Variants in GRSF1 observed in about 807,000 individuals in gnomAD.
GRSF1 encodes G-rich RNA sequence binding factor 1.
Under a neutral mutation model 51.1 loss-of-function variants are expected in GRSF1, and 50 were observed. The observed-to-expected ratio is 0.98, with a 90% CI of 0.78 to 1.24. The LOEUF is 1.24. Among genes scored for constraint, GRSF1 ranks in the 50% most tolerant of loss-of-function variants. The probability of loss-of-function intolerance (pLI) is 0.00; values close to 1 mark genes in which losing one functional copy is unlikely to be tolerated. For missense variants in GRSF1, 700 were observed against 639.7 expected (o/e 1.09, Z -1.02); for synonymous variants, 293 against 253.3 (o/e 1.16, Z -1.49).
chr4:70,824,344 AG>A lies in GRSF1; in HGVS notation c.1417del (p.Leu473Ter). The A allele has an allele frequency of 3.4e-6, 5 of 1,492,128 alleles. No homozygotes were observed. The highest frequency in any genetic ancestry group is 4.6e-6 in the Non-Finnish European group (5 of 1,079,504). 92.4% of individuals were successfully genotyped at this position (1,492,128 alleles called of 1,614,324 possible). A position where few individuals can be genotyped will look rare whatever the true frequency, so the allele number is the denominator to read the frequency against. On this transcript the variant is annotated frameshift_variant, in exon 9 of 10. Coordinates refer to ENST00000254799, the MANE Select transcript of GRSF1 (RefSeq NM_002092.4). LOFTEE classifies it high-confidence loss of function. ...HVHHRYIELF[L>X]NSCPKGK is the part of the protein sequence containing the mutation. ...TTATTTTCCTTTTGGACATGAATTC[AG>A]GAACAGTTCAATATACCTATGATCT...
In GRSF1 at chr4:70,825,279, C is replaced by T; in HGVS notation, c.1393+17G>A. ...CAAGCATCAAAAATGACAACAAAAGCCAAAGGCAGGACTTACGAACGTGGG... is the reference window on the plus strand; with the variant it reads ...CAAGCATCAAAAATGACAACAAAAGTCAAAGGCAGGACTTACGAACGTGGG... On this transcript the variant is annotated intron_variant, in intron 8 of 9. Transcript: ENST00000254799. The T allele has an allele frequency of 6.3e-7, 1 of 1,575,678 alleles. No individual in the cohort carries two copies. Among genetic ancestry groups the T allele is most frequent in the Non-Finnish European group, 8.7e-7 (1 of 1,155,208 alleles).
In GRSF1 at chr4:70,818,757, T is replaced by C. The variant is rs1379233363; in HGVS notation, c.*2130A>G. The C allele has an allele frequency of 6.6e-6, 1 of 152,144 alleles. No individual in the cohort carries two copies. The allele number at this position is 152,144 out of a possible 1,614,324, so 9.4% of individuals were successfully genotyped here. ...TGACCATATGCCCCACTCCCACTAT[T>C]CTTCCTGATGGCTTTACCACAAAGG... On this transcript the variant is annotated 3_prime_UTR_variant, in exon 10 of 10. Transcript: ENST00000254799.
Position 70,818,466 on chromosome 4 carries a change from C to G in GRSF1, c.*2421G>C, listed in dbSNP as rs942701368. 6.6e-6 allele frequency: 1 copy of G among 152,156 alleles called. No homozygotes were observed. The highest frequency in any genetic ancestry group is 1.5e-5 in the Non-Finnish European group (1 of 68,040). The allele number at this position is 152,156 out of a possible 1,614,324, so 9.4% of individuals were successfully genotyped here. Reference sequence around the variant, plus strand: ...CTTATGCTTCCCCCTTCAAGTAACACAGAAGTAGTGAGAATTTGGAGCCTT... The same window carrying G: ...CTTATGCTTCCCCCTTCAAGTAACAGAGAAGTAGTGAGAATTTGGAGCCTT... On this transcript the variant is annotated 3_prime_UTR_variant, in exon 10 of 10. Transcript: ENST00000254799.
chr4:70,836,435 AGTAAACTTCACCAAT>A, intron 1 of GRSF1, 121 bp from the exon 2 acceptor site: 1 of 725,768 alleles, frequency 1.4e-6, no homozygotes, highest in Non-Finnish European at 2.1e-6. Context: ...AGAAGCAAAA[AGTAAACTTCACCAAT>A]GTAACCCATC....
rs577099953 is a variant in GRSF1, at chr4:70,834,924, C to T, written c.514+1234G>A. Among the ~76,000 whole-genome samples, 77 of 152,064 alleles carry T rather than the reference C, an allele frequency of 5.1e-4. 2 individuals carry two copies. The South Asian group carries it at 0.016, about 31-fold the overall frequency. Reference sequence around the variant, plus strand: ...AGGCGTGAGCCACCGCACTTGGACCCGATAGGTATTTTTTAATCTTCTCCC... The same window carrying T: ...AGGCGTGAGCCACCGCACTTGGACCTGATAGGTATTTTTTAATCTTCTCCC... On this transcript the variant is annotated intron_variant, in intron 2 of 9. Transcript: ENST00000254799.
chr4:70,826,371 G>T, intron 6 of GRSF1, 126 bp from the exon 7 acceptor site: 1 of 750,600 alleles, frequency 1.3e-6, no homozygotes. Context: ...AAGCCAAAAT[G>T]ATCTGAAATT....
At position 70,833,144 on chromosome 4, in the gene GRSF1, A is replaced by G. The variant is rs1734055284; in HGVS notation, c.644T>C (p.Met215Thr). The G allele has an allele frequency of 6.2e-7, 1 of 1,613,970 alleles. No homozygotes were observed. The highest frequency in any genetic ancestry group is 8.5e-7 in the Non-Finnish European group (1 of 1,179,858). The change falls in exon 3 of 10, where the codon ATG becomes ACG. Residue 215 changes from methionine (M) to threonine (T), a missense_variant. By Grantham distance (81) the Met-to-Thr change is moderately conservative. Coordinates refer to ENST00000254799, the MANE Select transcript of GRSF1 (RefSeq NM_002092.4). ...DVQKALEKHR[M>T]YMGQRYVEVY... is the part of the protein sequence containing the mutation. ...TTCCACATACCGCTGGCCCATGTAC[A>G]TGCGGTGCTTCTCTAAGGCTTTCTG...
chr4:70,821,468 T>C (rs568695912), intron 9 of GRSF1, among the ~76,000 whole-genome samples: 3 of 151,766 alleles, frequency 2.0e-5, no homozygotes, highest in Non-Finnish European at 4.4e-5. Flanking sequence ...TAGCCGGGCA[T>C]GGTGGCATAC....
intron 2 of GRSF1, 149 bp from the exon 3 acceptor site, chr4:70,833,422 C>A: frequency 1.5e-6 from 1 of 676,292 alleles, no homozygotes; most frequent in Non-Finnish European, 2.5e-6. Flanking sequence ...GTCATCCAAA[C>A]ACCAATAAGG....
rs35303311 is a variant in GRSF1 at position 70,838,219 on chromosome 4, C to CAAAAAAAAAA, written c.357+1242_357+1251dup. On this transcript the variant is annotated intron_variant, in intron 1 of 9. Coordinates refer to ENST00000254799, the MANE Select transcript of GRSF1 (RefSeq NM_002092.4). Reference sequence around the variant, plus strand: ...GGGCGACAGAGCGAGACTCGGTCTCCAAAAAAAAAAAAAAAAAAAGGCTTA... The same window carrying CAAAAAAAAAA: ...GGGCGACAGAGCGAGACTCGGTCTCCAAAAAAAAAAAAAAAAAAAAAAAAAAAAAGGCTTA... Among the ~76,000 whole-genome samples, 458 of 94,572 alleles carry CAAAAAAAAAA rather than the reference C, an allele frequency of 4.8e-3. 12 individuals are homozygous for CAAAAAAAAAA. The highest frequency in any genetic ancestry group is 0.018 in the African/African-American group (438 of 24,494). 62.0% of individuals were successfully genotyped at this position (94,572 alleles called of 152,430 possible).
chr4:70,830,251 A>T lies in GRSF1; in HGVS notation c.950+1288T>A, dbSNP rs528656942. ...AGGCCAGCCAGGGCAACACAGCAAG[A>T]CCCCACCTACAAACACACACGCACG... On this transcript the variant is annotated intron_variant, in intron 5 of 9. Coordinates refer to ENST00000254799, the MANE Select transcript of GRSF1 (RefSeq NM_002092.4). 4.6e-5 allele frequency among the ~76,000 whole-genome samples: 7 copies of T among 152,018 alleles called. No homozygotes were observed. The East Asian group carries it at 1.2e-3, about 25-fold the overall frequency.
rs575076603 is a variant in GRSF1 at position 70,831,540 on chromosome 4, G to A, written c.949C>T (p.Arg317Ter). ...LLKHREEIGN[R>*]YIEIFPSRRN... is the part of the protein sequence containing the mutation. ...ATCATTAGTATCTGCTTTACTCACC[G>A]ATTACCAATTTCTTCCCTGTGTTTC... The change falls in exon 5 of 10, where the codon CGA (arginine) becomes TGA (stop). Residue 317 changes from arginine to a stop codon, truncating the protein, a stop_gained and splice_region_variant. Coordinates refer to ENST00000254799, the MANE Select transcript of GRSF1 (RefSeq NM_002092.4). LOFTEE classifies it high-confidence loss of function. The A allele has an allele frequency of 1.6e-5, 25 of 1,612,700 alleles. No individual in the cohort carries two copies. Among genetic ancestry groups the A allele is most frequent in the East Asian group, 8.9e-5 (4 of 44,860 alleles).
intron 1 of GRSF1, 75 bp downstream of exon 1, chr4:70,839,396 G>A (rs975333784): frequency 3.0e-5 from 45 of 1,507,856 alleles, no homozygotes; most frequent in East Asian, 1.8e-4. Flanking sequence ...CACACGGAGG[G>A]ACGGAGGGGC....
rs1289543516 is a variant in GRSF1, at chr4:70,829,180, C to T, written c.951-1144G>A. Among the ~76,000 whole-genome samples the T allele has an allele frequency of 2.6e-5, 4 of 152,098 alleles. No individual in the cohort carries two copies. The South Asian group carries it at 6.2e-4, about 24-fold the overall frequency. ...TGCTGGGATTATAGGCATGGGCCAC[C>T]GCGCCCAGCACAGTTTCCTTTTTCT... On this transcript the variant is annotated intron_variant, in intron 5 of 9. Coordinates refer to ENST00000254799, the MANE Select transcript of GRSF1 (RefSeq NM_002092.4).
In GRSF1 at chr4:70,826,696, A is replaced by G. The variant is rs143959263; in HGVS notation, c.1136-451T>C. ...CTCTACAAAAAATAAAAATAAAAAT[A>G]AGTTAGCTGGGCATGGTGATGCATG... is the stretch of plus-strand genomic sequence containing the variant. On this transcript the variant is annotated intron_variant, in intron 6 of 9. Coordinates refer to ENST00000254799, the MANE Select transcript of GRSF1 (RefSeq NM_002092.4). 1.3e-3 allele frequency among the ~76,000 whole-genome samples: 201 copies of G among 152,056 alleles called. 1 individual carries two copies. Among genetic ancestry groups the G allele is most frequent in the Admixed American group, 2.4e-3 (36 of 15,270 alleles).
chr4:70,837,728 C>A (rs1296606125), intron 1 of GRSF1, among the ~76,000 whole-genome samples: 2 of 150,182 alleles, frequency 1.3e-5, no homozygotes, highest in Non-Finnish European at 3.0e-5. Context: ...GCAACCTCCC[C>A]GGGTTCAAAG....
chr4:70,824,192 A>G, intron 9 of GRSF1, 102 bp downstream of exon 9: 1 of 510,160 alleles, frequency 2.0e-6, no homozygotes, highest in Non-Finnish European at 3.7e-6. Flanking sequence ...GCTGGCTTGA[A>G]CTCCTGACCT....
At position 70,824,335 on chromosome 4, in the gene GRSF1, C is replaced by T. The variant is rs996848130; in HGVS notation, c.1427G>A (p.Cys476Tyr). The change falls in exon 9 of 10, where the codon TGT becomes TAT. Residue 476 changes from cysteine to tyrosine, a missense_variant. Cys to Tyr is a radical substitution (Grantham distance 194). Transcript: ENST00000254799. ...HRYIELFLNS[C>Y]PKGK The stretch of plus-strand genomic sequence containing the variant: ...CCTAGAGTCTTATTTTCCTTTTGGA[C>T]ATGAATTCAGGAACAGTTCAATATA... 8.0e-6 allele frequency: 12 copies of T among 1,491,604 alleles called. 1 individual carries two copies. In the South Asian group the frequency reaches 1.2e-4, roughly 15 times the overall value. The allele number at this position is 1,491,604 out of a possible 1,614,324, so 92.4% of individuals were successfully genotyped here.
At chr4:70,832,765 T>C (rs1734035691) in intron 3 of GRSF1, among the ~76,000 whole-genome samples, 2 of 152,186 alleles carry the variant, frequency 1.3e-5, no homozygotes, top group Admixed American at 6.6e-5. Context: ...CTGACCAATA[T>C]GGTAAAACCC....
Sources: gnomAD v4.1 joint callset for allele counts (sites outside exome capture counted in the v4.1 genomes callset) on GRCh38, gnomAD v4.1.1 for gene constraint, MANE v1.5 for transcripts, NCBI Gene and HGNC (gene_info 2026-07-23, HGNC 2026-07-21) for gene names.